KIDINS220: variants seen among roughly 807,000 people sequenced by gnomAD.
KIDINS220 encodes the protein kinase D interacting substrate 220, also known as kinase D-interacting substrate of 220 kDa.
Under a neutral mutation model 157.6 loss-of-function variants are expected in KIDINS220, and 63 were observed. The ratio of observed to expected loss-of-function variants is 0.40; its 90% CI spans 0.33 to 0.49. KIDINS220 has a LOEUF of 0.49. Among genes scored for constraint, KIDINS220 ranks in the 20% least tolerant of loss-of-function variants. KIDINS220 has a pLI of 0.66. For synonymous variants in KIDINS220, 732 were observed against 783.6 expected (o/e 0.93, Z 1.10); for missense variants, 1,772 against 2,171.2 (o/e 0.82, Z 3.65).
intron 2 of KIDINS220, among the ~76,000 whole-genome samples, chr2:8,820,862 G>A (rs891645511): frequency 6.6e-6 from 1 of 152,120 alleles, no homozygotes; most frequent in Non-Finnish European, 1.5e-5. Flanking sequence ...TCCGCTCTAG[G>A]TTCTTTGGTA....
At chr2:8,727,118 T>G (rs2147926525), downstream of KIDINS220, 1 of 1,095,442 alleles carries the variant, frequency 9.1e-7, no homozygotes, top group Non-Finnish European at 1.2e-6. Flanking sequence ...ATGCTTAGAA[T>G]TCTGAGGTAG....
chr2:8,726,846 A>T, downstream of KIDINS220: 1 of 1,075,518 alleles, frequency 9.3e-7, no homozygotes, highest in South Asian at 1.3e-5. Flanking sequence ...CTAACGTGGC[A>T]TATGACTGCA....
chr2:8,723,681 G>A (rs1037871395), downstream of KIDINS220: 1 of 152,252 alleles, frequency 6.6e-6, no homozygotes, highest in Non-Finnish European at 1.5e-5. Flanking sequence ...AAGAATGGTT[G>A]AAGAAGTGAG....
chr2:8,795,480 C>A (rs981991378), intron 11 of KIDINS220, among the ~76,000 whole-genome samples: 1 of 152,178 alleles, frequency 6.6e-6, no homozygotes, highest in African/African-American at 2.4e-5. Context: ...CATTAATCGT[C>A]ACTTTTAAAA....
chr2:8,825,853 A>G (rs1253176437), intron 2 of KIDINS220: 1 of 152,146 alleles, frequency 6.6e-6, no homozygotes, highest in Non-Finnish European at 1.5e-5. Flanking sequence ...TGGGAGGCCT[A>G]GGTGGGTGGA....
In KIDINS220 at chr2:8,786,030, C is replaced by A; in HGVS notation, c.1940G>T (p.Gly647Val). ...ACATGTTTTTTTCCATTTCTTTTTA[C>A]CTGTAATGCAACAAATGGTTTTAAT... ...FRVFKTEDTQ[G>V]KKKWKKTCCL... The change falls in exon 17 of 30, where the codon GGT becomes GTT. Residue 647 changes from glycine (G) to valine (V), a missense_variant and splice_region_variant. This residue lies in a region of KIDINS220 where 725 missense variants were observed against 1,017.1 expected (regional missense o/e 0.71). Transcript: ENST00000256707. 1 of 1,600,668 alleles carries A rather than the reference C, an allele frequency of 6.2e-7. No individual in the cohort carries two copies. Among genetic ancestry groups the A allele is most frequent in the Non-Finnish European group, 8.5e-7 (1 of 1,174,566 alleles).
In KIDINS220 at chr2:8,744,376, AAAAAAAAAAAAAATATATATATATAAT is replaced by A. The variant is rs1423520840; in HGVS notation, c.3585+2742_3585+2768del. The stretch of plus-strand genomic sequence containing the variant: ...TGTTCCTCATGGCAAAAAAAAAAAA[AAAAAAAAAAAAAATATATATATATAAT>A]ATATATATATATATATATATATATA... On this transcript the variant is annotated intron_variant, in intron 26 of 29. Transcript: ENST00000256707. Among the ~76,000 whole-genome samples the A allele has an allele frequency of 2.3e-3, 40 of 17,762 alleles. 2 individuals carry two copies. Among genetic ancestry groups the A allele is most frequent in the African/African-American group, 7.7e-3 (37 of 4,806 alleles). The allele number at this position is 17,762 out of a possible 152,430, so 11.7% of individuals were successfully genotyped here.
At chr2:8,802,124 G>T (rs1411273250) in intron 8 of KIDINS220, among the ~76,000 whole-genome samples, 1 of 152,226 alleles carries the variant, frequency 6.6e-6, no homozygotes, top group African/African-American at 2.4e-5. Flanking sequence ...ACTGGCAGAA[G>T]AGGGGTACAA....
chr2:8,754,126 A>C (rs1236832538), intron 22 of KIDINS220, among the ~76,000 whole-genome samples: 3 of 152,220 alleles, frequency 2.0e-5, no homozygotes, highest in African/African-American at 7.2e-5. Context: ...AGAAGCTAGA[A>C]AGATTTAGAT....
At chr2:8,811,899 C>A (rs1676373251) in intron 6 of KIDINS220, among the ~76,000 whole-genome samples, 1 of 151,982 alleles carries the variant, frequency 6.6e-6, no homozygotes, top group Non-Finnish European at 1.5e-5. Context: ...GGGCCCTGGA[C>A]CGTGGGTCAT....
intron 17 of KIDINS220, among the ~76,000 whole-genome samples, chr2:8,785,282 G>A (rs1023127673): frequency 6.6e-6 from 1 of 152,134 alleles, no homozygotes; most frequent in Non-Finnish European, 1.5e-5. Flanking sequence ...GTGTGAAGAG[G>A]TGAAGCACAG....
Position 8,793,873 on chromosome 2 carries a change from C to T in KIDINS220, c.1213G>A (p.Glu405Lys). ...RLLYRPNKAG[E>K]TPYNIDCSHQ... ...CTACAGTCAATATTATAAGGAGTCT[C>T]GCCTGCTTTGTTGGGCCTATAAAGT... The change falls in exon 12 of 30, where the codon GAG becomes AAG. Residue 405 changes from glutamate (E) to lysine (K), a missense_variant. Transcript: ENST00000256707. 3 of 1,613,756 alleles carry T rather than the reference C, an allele frequency of 1.9e-6. No homozygotes were observed. Among genetic ancestry groups the T allele is most frequent in the Non-Finnish European group, 2.5e-6 (3 of 1,179,888 alleles).
At chr2:8,817,540 A>G (rs748273708) in intron 4 of KIDINS220, 78 bp downstream of exon 4, 23 of 833,594 alleles carry the variant, frequency 2.8e-5, no homozygotes, top group Non-Finnish European at 7.2e-6. Flanking sequence ...TTTCACACAT[A>G]AAAATAAAAT....
chr2:8,750,292 CGCCAGT>C lies in KIDINS220; in HGVS notation c.3228_3233del (p.Leu1077_Ala1078del). 1 of 1,612,226 alleles carries C rather than the reference CGCCAGT, an allele frequency of 6.2e-7. No individual in the cohort carries two copies. Among genetic ancestry groups the C allele is most frequent in the Non-Finnish European group, 8.5e-7 (1 of 1,179,082 alleles). On this transcript the variant is annotated inframe_deletion, in exon 24 of 30. Coordinates refer to ENST00000256707, the MANE Select transcript of KIDINS220 (RefSeq NM_020738.4). Reference sequence around the variant, plus strand: ...CCTCATGTAGAGGGAGCGGGGGGTACGCCAGTCCTCCAATACTGATCTGCTCTCTGG... The same window carrying C: ...CCTCATGTAGAGGGAGCGGGGGGTACCCTCCAATACTGATCTGCTCTCTGG...
Position 8,733,655 on chromosome 2 carries a change from C to T in KIDINS220, c.3842G>A (p.Ser1281Asn), listed in dbSNP as rs1445355863. 1.3e-6 allele frequency: 2 copies of T among 1,584,150 alleles called. No individual in the cohort carries two copies. The highest frequency in any genetic ancestry group is 3.6e-5 in the Admixed American group (2 of 56,076). Residue 1281 changes from serine to asparagine, a missense_variant, in exon 29 of 30, where the codon AGC (serine) becomes AAC (asparagine). Ser to Asn is a conservative substitution (Grantham distance 46). Coordinates refer to ENST00000256707, the MANE Select transcript of KIDINS220 (RefSeq NM_020738.4). ...ACGTGGGTCTTCAGGGACCACGTGG[C>T]TTTCTGCGTTTCTCATTTCTAGTAC... ...STVLEMRNAE[S>N]HVVPEDPRFL...
At chr2:8,817,861 T>C in intron 3 of KIDINS220, 145 bp from the exon 4 acceptor site, 1 of 479,960 alleles carries the variant, frequency 2.1e-6, no homozygotes, top group Non-Finnish European at 3.7e-6. Flanking sequence ...TCTAAAGTCA[T>C]ACTGAAGCTC....
rs769330203 is a variant in KIDINS220 at position 8,789,863 on chromosome 2, A to G, written c.1621+17T>C. 122 of 1,552,400 alleles carry G rather than the reference A, an allele frequency of 7.9e-5. No homozygotes were observed. Among genetic ancestry groups the G allele is most frequent in the Non-Finnish European group, 1.0e-4 (117 of 1,151,888 alleles). ...CGTTTTCTCCATTTTTGAAAAAGAT[A>G]AAAAGCAAAGACTTACTAAAGAATA... On this transcript the variant is annotated intron_variant, in intron 14 of 29. Transcript: ENST00000256707.
At position 8,750,385 on chromosome 2, in the gene KIDINS220, G is replaced by A. The variant is rs745959854; in HGVS notation, c.3191-50C>T. 7 of 1,292,626 alleles carry A rather than the reference G, an allele frequency of 5.4e-6. No individual in the cohort carries two copies. In the African/African-American group the frequency reaches 1.0e-4, roughly 19 times the overall value. 80.1% of individuals were successfully genotyped at this position (1,292,626 alleles called of 1,614,324 possible). A position where few individuals can be genotyped will look rare whatever the true frequency, so the allele number is the denominator to read the frequency against. Reference sequence around the variant, plus strand: ...AAGGCAAGAGAAAACAGGACATTAGGAATCAGTCCAATTATCACATTCTTC... The same window carrying A: ...AAGGCAAGAGAAAACAGGACATTAGAAATCAGTCCAATTATCACATTCTTC... On this transcript the variant is annotated intron_variant, in intron 23 of 29. Transcript: ENST00000256707.
At chr2:8,740,297 C>T (rs976318487) in intron 26 of KIDINS220, 4 of 404,122 alleles carry the variant, frequency 9.9e-6, no homozygotes, top group African/African-American at 8.7e-5. Flanking sequence ...CCTATTTCCT[C>T]CTCACTCTGA....
Sources: gnomAD v4.1 joint callset for allele counts (sites outside exome capture counted in the v4.1 genomes callset) on GRCh38, gnomAD v4.1.1 for gene constraint, gnomAD v4.1.1 regional missense constraint, MANE v1.5 for transcripts, NCBI Gene and HGNC (gene_info 2026-07-23, HGNC 2026-07-21) for gene names.